The following RAB3GAP2 variants were observed in gnomAD, a reference collection of about 807,000 sequenced individuals.
RAB3GAP2 encodes RAB3 GTPase activating non-catalytic protein subunit 2, also known as rab3 GTPase-activating protein non-catalytic subunit.
A neutral mutation model predicts 185.3 loss-of-function variants in RAB3GAP2; 87 were observed. The observed-to-expected ratio is 0.47, with a 90% CI of 0.39 to 0.56. The LOEUF is 0.56. Among genes scored for constraint, RAB3GAP2 ranks in the 20% least tolerant of loss-of-function variants. RAB3GAP2 has a pLI of 0.00. For missense variants in RAB3GAP2, 1,492 were observed against 1,638.2 expected (o/e 0.91, Z 1.54); for synonymous variants, 554 against 576.1 (o/e 0.96, Z 0.55).
intron 1 of RAB3GAP2, among the ~76,000 whole-genome samples, chr1:220,255,119 G>C (rs9000): frequency 6.6e-6 from 1 of 151,726 alleles, no homozygotes; most frequent in Non-Finnish European, 1.5e-5. Flanking sequence ...TAGATGCAAT[G>C]CACTGTGTAG....
At chr1:220,151,871 G>T in intron 33 of RAB3GAP2, 107 bp from the exon 34 acceptor site, 1 of 1,202,352 alleles carries the variant, frequency 8.3e-7, no homozygotes. Context: ...TTTGAACTGT[G>T]GCCATTTATC....
rs765950345 is a variant in RAB3GAP2, at chr1:220,214,011, A to G, written c.181-32T>C. 5.6e-6 allele frequency: 9 copies of G among 1,609,340 alleles called. No individual in the cohort carries two copies. In the African/African-American group the frequency reaches 1.2e-4, roughly 22 times the overall value. On this transcript the variant is annotated intron_variant, in intron 2 of 34. Transcript: ENST00000358951. ...GTAAAACTACAATTACTGCATATGC[A>G]AAAATACCAAGAGTATTCAAACTCA...
chr1:220,201,554 C>T (rs1658858524), intron 9 of RAB3GAP2, among the ~76,000 whole-genome samples: 1 of 152,158 alleles, frequency 6.6e-6, no homozygotes, highest in African/African-American at 2.4e-5. Context: ...GGCTGGAGTG[C>T]AGTGGCGTGA....
At chr1:220,234,503 T>G (rs1302478605) in intron 1 of RAB3GAP2, among the ~76,000 whole-genome samples, 1 of 152,252 alleles carries the variant, frequency 6.6e-6, no homozygotes, top group Admixed American at 6.5e-5. Context: ...AGGTATATAT[T>G]AAGTCCTAAA....
chr1:220,224,690 T>C (rs938239539), intron 2 of RAB3GAP2, among the ~76,000 whole-genome samples: 1 of 151,796 alleles, frequency 6.6e-6, no homozygotes, highest in Non-Finnish European at 1.5e-5. Context: ...AAAACTTTCC[T>C]CCAAAAAACA....
chr1:220,227,441 A>G (rs1659421396), intron 2 of RAB3GAP2, among the ~76,000 whole-genome samples: 1 of 152,244 alleles, frequency 6.6e-6, no homozygotes, highest in South Asian at 2.1e-4. Flanking sequence ...TGCCATAAAA[A>G]TAAGAAACTA....
rs931983386 is a variant in RAB3GAP2 at position 220,171,057 on chromosome 1, G to C, written c.2641C>G (p.Leu881Val). 2.5e-6 allele frequency: 4 copies of C among 1,614,022 alleles called. No homozygotes were observed. The highest frequency in any genetic ancestry group is 2.7e-5 in the African/African-American group (2 of 74,944). Residue 881 changes from leucine to valine, a missense_variant, in exon 24 of 35, where the codon CTT becomes GTT. By Grantham distance (32) the Leu-to-Val change is conservative (BLOSUM62 1). Coordinates refer to ENST00000358951, the MANE Select transcript of RAB3GAP2 (RefSeq NM_012414.4). ...ALTDSWEALS[L>V]DTEYWKLLLK... ...AGGAGTTTCCAGTACTCAGTGTCAAGAGAAAGTGCCTCCCAGGAATCAGTG... is the reference window on the plus strand; with the variant it reads ...AGGAGTTTCCAGTACTCAGTGTCAACAGAAAGTGCCTCCCAGGAATCAGTG...
At position 220,172,834 on chromosome 1, in the gene RAB3GAP2, G is replaced by A; in HGVS notation, c.2311-92C>T. 3.8e-6 allele frequency: 3 copies of A among 795,196 alleles called. No homozygotes were observed. In the South Asian group the frequency reaches 4.4e-5, roughly 12 times the overall value. The allele number at this position is 795,196 out of a possible 1,614,324, so 49.3% of individuals were successfully genotyped here. A position where few individuals can be genotyped will look rare whatever the true frequency, so the allele number is the denominator to read the frequency against. On this transcript the variant is annotated intron_variant, in intron 21 of 34. Coordinates refer to ENST00000358951, the MANE Select transcript of RAB3GAP2 (RefSeq NM_012414.4). ...CCTAGACAGCAGATGCATGCATATG[G>A]ATGATGCAGCTTCTTGAGGTGAAAA... is the stretch of plus-strand genomic sequence containing the variant.
intron 2 of RAB3GAP2, among the ~76,000 whole-genome samples, chr1:220,221,508 A>T (rs144925119): frequency 2.8e-4 from 42 of 152,324 alleles, no homozygotes; most frequent in African/African-American, 9.9e-4. Flanking sequence ...GCTTTTATAA[A>T]GGCAAAAATG....
At chr1:220,250,239 G>A (rs1183600023) in intron 1 of RAB3GAP2, among the ~76,000 whole-genome samples, 1 of 152,192 alleles carries the variant, frequency 6.6e-6, no homozygotes, top group African/African-American at 2.4e-5. Flanking sequence ...TCTTGCATGA[G>A]TGTGACATGG....
chr1:220,169,724 T>C (rs1036096381), intron 24 of RAB3GAP2, among the ~76,000 whole-genome samples: 2 of 152,204 alleles, frequency 1.3e-5, no homozygotes, highest in Non-Finnish European at 2.9e-5. Context: ...ACTAGTCTCA[T>C]GATCCCCTTA....
intron 2 of RAB3GAP2, among the ~76,000 whole-genome samples, chr1:220,230,864 C>T (rs1171265050): frequency 6.6e-6 from 1 of 152,044 alleles, no homozygotes; most frequent in Non-Finnish European, 1.5e-5. Context: ...TGATTTATCA[C>T]CTTCCTCTCA....
chr1:220,253,754 T>C, intron 1 of RAB3GAP2: 2 of 1,611,348 alleles, frequency 1.2e-6, no homozygotes, highest in Non-Finnish European at 8.5e-7. Context: ...GAGAGCAGAG[T>C]ACTCAAATAC....
intron 2 of RAB3GAP2, among the ~76,000 whole-genome samples, chr1:220,214,963 T>TATATATAA (rs1558158625): frequency 6.9e-6 from 1 of 143,964 alleles, no homozygotes; most frequent in East Asian, 2.1e-4. Context: ...TATATATATA[T>TATATATAA]ATATATATAT....
At position 220,182,295 on chromosome 1, in the gene RAB3GAP2, T is replaced by A; in HGVS notation, c.2272A>T (p.Thr758Ser). 6.2e-7 allele frequency: 1 copy of A among 1,614,048 alleles called. No homozygotes were observed. Among genetic ancestry groups the A allele is most frequent in the Non-Finnish European group, 8.5e-7 (1 of 1,180,000 alleles). ...GGGCTAAGACCAGCCGACTCCAAAG[T>A]GTGACACATATCCTCAGTGGAGCTT... is the stretch of plus-strand genomic sequence containing the variant. ...GESSTEDMCH[T>S]LESAGLSPQL... The change falls in exon 21 of 35, where the codon ACT becomes TCT. Residue 758 changes from threonine (T) to serine (S), a missense_variant. Physicochemically the swap from Thr to Ser is moderately conservative, Grantham distance 58. Coordinates refer to ENST00000358951, the MANE Select transcript of RAB3GAP2 (RefSeq NM_012414.4).
At chr1:220,251,984 C>T (rs1275452609) in intron 1 of RAB3GAP2, among the ~76,000 whole-genome samples, 1 of 151,796 alleles carries the variant, frequency 6.6e-6, no homozygotes. Flanking sequence ...ATCCCCATCT[C>T]TACAAAGAAA....
At chr1:220,243,905 C>T (rs998091047) in intron 1 of RAB3GAP2, among the ~76,000 whole-genome samples, 2 of 152,094 alleles carry the variant, frequency 1.3e-5, no homozygotes, top group Non-Finnish European at 2.9e-5. Flanking sequence ...AACACAGGCA[C>T]AGAAGGGACT....
chr1:220,153,674 C>T (rs1392697291), intron 32 of RAB3GAP2: 1 of 395,606 alleles, frequency 2.5e-6, no homozygotes. Flanking sequence ...CATATGTATA[C>T]ATGTGCCATG....
intron 2 of RAB3GAP2, among the ~76,000 whole-genome samples, chr1:220,232,088 C>G (rs1284088667): frequency 6.6e-6 from 1 of 152,024 alleles, no homozygotes; most frequent in Non-Finnish European, 1.5e-5. Context: ...TGCTATACTC[C>G]CAGCATCTAG....
Sources: allele counts gnomAD v4.1 joint callset (sites outside exome capture counted in the v4.1 genomes callset), GRCh38; gene constraint gnomAD v4.1.1; transcripts MANE v1.5; gene names NCBI Gene and HGNC (gene_info 2026-07-23, HGNC 2026-07-21).